Variants in KAZN observed in about 807,000 individuals in gnomAD.
KAZN encodes the protein kazrin.
KAZN carries 40 observed loss-of-function variants against 87.4 expected under a neutral mutation model. The ratio of observed to expected loss-of-function variants is 0.46; its 90% CI spans 0.36 to 0.60. The LOEUF (loss-of-function observed/expected upper bound fraction) is 0.60. KAZN is among the 20% of genes least tolerant of loss of function. The pLI, the probability that KAZN is intolerant of heterozygous loss-of-function variation, is 0.00. For synonymous variants in KAZN, 466 were observed against 458.3 expected, an observed-to-expected ratio of 1.02 and a Z score of -0.22; for missense variants, 898 against 1,073.9, an observed-to-expected ratio of 0.84 and a Z score of 2.29.
In KAZN at chr1:14,695,510, C is replaced by CTTTTT. The variant is rs112667110; in HGVS notation, c.226+96298_226+96302dup. 5.2e-4 allele frequency among the ~76,000 whole-genome samples: 44 copies of CTTTTT among 85,072 alleles called. 13 individuals are homozygous for CTTTTT. Among genetic ancestry groups the CTTTTT allele is most frequent in the East Asian group, 7.6e-4 (2 of 2,646 alleles). 55.8% of individuals were successfully genotyped at this position (85,072 alleles called of 152,430 possible). Reference sequence around the variant, plus strand: ...CCTCTTTCCCCAGACTACATTCCATCTTTTTTTTTTTTTTTGATGGAGTCT... The same window carrying CTTTTT: ...CCTCTTTCCCCAGACTACATTCCATCTTTTTTTTTTTTTTTTTTTTGATGGAGTCT... On this transcript the variant is annotated intron_variant, in intron 1 of 14. Transcript: ENST00000376030.
intron 2 of KAZN, among the ~76,000 whole-genome samples, chr1:14,215,789 C>T (rs1205755648): frequency 6.6e-6 from 1 of 152,088 alleles, no homozygotes; most frequent in East Asian, 1.9e-4. Context: ...CTATGTAAAC[C>T]ATATTATTCT....
At chr1:14,139,229 T>C (rs570217921) in intron 1 of KAZN, among the ~76,000 whole-genome samples, 1 of 152,330 alleles carries the variant, frequency 6.6e-6, no homozygotes, top group Admixed American at 6.5e-5. Flanking sequence ...GCTTTGCCCA[T>C]AGCCCATTGC....
At chr1:14,505,730 T>C (rs540723132) in intron 2 of KAZN, among the ~76,000 whole-genome samples, 50 of 152,164 alleles carry the variant, frequency 3.3e-4, no homozygotes, top group African/African-American at 1.1e-3. Context: ...TCCCAACACT[T>C]TGGGAGGCCG....
intron 4 of KAZN, among the ~76,000 whole-genome samples, chr1:15,050,088 GA>G (rs1674165830): frequency 1.1e-5 from 1 of 87,510 alleles, no homozygotes; most frequent in African/African-American, 6.5e-5. Flanking sequence ...GAGTACAGTA[GA>G]GTACAGTAGA....
chr1:14,520,160 G>C (rs1401377438), intron 2 of KAZN, among the ~76,000 whole-genome samples: 2 of 152,198 alleles, frequency 1.3e-5, no homozygotes, highest in Admixed American at 6.5e-5. Context: ...ACAAGGCCCA[G>C]TGGTGTCCAG....
chr1:14,554,935 C>T (rs1011340109), intron 2 of KAZN, among the ~76,000 whole-genome samples: 1 of 152,188 alleles, frequency 6.6e-6, no homozygotes, highest in Non-Finnish European at 1.5e-5. Flanking sequence ...ATGGGAAAGA[C>T]CAGTGCCCCC....
At chr1:14,425,499 A>G (rs1394788388) in intron 2 of KAZN, among the ~76,000 whole-genome samples, 1 of 152,166 alleles carries the variant, frequency 6.6e-6, no homozygotes, top group Non-Finnish European at 1.5e-5. Context: ...AAGATACAAC[A>G]ATAGTGCAGT....
chr1:14,430,807 G>A (rs1666020479), intron 2 of KAZN, among the ~76,000 whole-genome samples: 2 of 152,220 alleles, frequency 1.3e-5, no homozygotes, highest in African/African-American at 2.4e-5. Flanking sequence ...TGAAGGCATT[G>A]CAGTTGGTGG....
intron 2 of KAZN, among the ~76,000 whole-genome samples, chr1:14,274,496 G>A (rs1261204575): frequency 6.6e-6 from 1 of 152,180 alleles, no homozygotes; most frequent in Non-Finnish European, 1.5e-5. Context: ...CATCCGGGGA[G>A]CTTAATAAAA....
chr1:14,920,692 G>A (rs1658410684), intron 1 of KAZN, among the ~76,000 whole-genome samples: 1 of 152,152 alleles, frequency 6.6e-6, no homozygotes, highest in Admixed American at 6.5e-5. Context: ...AACAACAGTG[G>A]AGCATTCACC....
chr1:14,894,429 G>A (rs2101190603), intron 1 of KAZN, among the ~76,000 whole-genome samples: 1 of 152,312 alleles, frequency 6.6e-6, no homozygotes, highest in South Asian at 2.1e-4. Context: ...ATGGGGAAAT[G>A]GTAACAGTCC....
At chr1:14,209,308 C>T (rs1646806362) in intron 2 of KAZN, among the ~76,000 whole-genome samples, 2 of 152,198 alleles carry the variant, frequency 1.3e-5, no homozygotes, top group South Asian at 4.1e-4. Flanking sequence ...AGGTGACTTA[C>T]TCGCTACTCC....
intron 2 of KAZN, among the ~76,000 whole-genome samples, chr1:14,299,805 A>G (rs1353802884): frequency 6.6e-6 from 1 of 152,222 alleles, no homozygotes; most frequent in Admixed American, 6.5e-5. Flanking sequence ...CACATTTACT[A>G]AAGTTCATTA....
chr1:14,456,896 A>G (rs893146016), intron 2 of KAZN, among the ~76,000 whole-genome samples: 2 of 152,152 alleles, frequency 1.3e-5, no homozygotes, highest in Non-Finnish European at 2.9e-5. Context: ...TCTGGTCAAC[A>G]TGGCAAAACT....
At chr1:14,054,034 G>T (rs1043627388) in intron 1 of KAZN, among the ~76,000 whole-genome samples, 4 of 152,014 alleles carry the variant, frequency 2.6e-5, no homozygotes, top group African/African-American at 9.7e-5. Context: ...TGTTGAATTG[G>T]CTGAAGAAGA....
chr1:14,768,977 A>G (rs1450788159), intron 1 of KAZN, among the ~76,000 whole-genome samples: 1 of 152,188 alleles, frequency 6.6e-6, no homozygotes, highest in Non-Finnish European at 1.5e-5. Context: ...GTGTGCAGCT[A>G]CCTCTTCCCT....
intron 1 of KAZN, among the ~76,000 whole-genome samples, chr1:14,708,318 T>C (rs1642317116): frequency 6.6e-6 from 1 of 152,198 alleles, no homozygotes; most frequent in Non-Finnish European, 1.5e-5. Flanking sequence ...TCAGAGGTGA[T>C]TAACAGGAAC....
intron 1 of KAZN, among the ~76,000 whole-genome samples, chr1:14,137,161 C>T (rs569221585): frequency 3.0e-4 from 46 of 152,202 alleles, no homozygotes; most frequent in African/African-American, 1.1e-3. Context: ...GCCAGAGCTC[C>T]GGGAATGGAG....
intron 2 of KAZN, among the ~76,000 whole-genome samples, chr1:14,341,108 G>T (rs1388128421): frequency 4.0e-5 from 6 of 151,874 alleles, no homozygotes; most frequent in African/African-American, 1.5e-4. Context: ...GGCCAGGCTG[G>T]TCTCGAACTC....
Sources: allele counts gnomAD v4.1 joint callset (sites outside exome capture counted in the v4.1 genomes callset), GRCh38; gene constraint gnomAD v4.1.1; transcripts MANE v1.5; gene names NCBI Gene and HGNC (gene_info 2026-07-23, HGNC 2026-07-21).